The following COTL1 variants were observed in gnomAD, a reference collection of about 807,000 sequenced individuals.
COTL1 encodes the protein coactosin-like protein.
COTL1 carries 15 observed loss-of-function variants against 16.5 expected under a neutral mutation model. The observed-to-expected ratio is 0.91, with a 90% CI of 0.61 to 1.40. COTL1 has a LOEUF of 1.40. Among genes scored for constraint, COTL1 ranks in the 40% most tolerant of loss-of-function variants. The pLI is 0.00. For synonymous variants in COTL1, 112 were observed against 85.3 expected, an observed-to-expected ratio of 1.31 and a Z score of -1.73; for missense variants, 220 against 201.5, an observed-to-expected ratio of 1.09 and a Z score of -0.56.
chr16:84,617,740 G>A (rs907084035), intron 1 of COTL1, 98 bp downstream of exon 1: 6 of 1,394,380 alleles, frequency 4.3e-6, no homozygotes, highest in African/African-American at 4.3e-5. Context: ...AAGACAGCGC[G>A]GGAGGCCCGA....
chr16:84,570,496 C>T (rs1054291276), intron 3 of COTL1, among the ~76,000 whole-genome samples: 1 of 151,426 alleles, frequency 6.6e-6, no homozygotes, highest in Non-Finnish European at 1.5e-5. Context: ...AAAAAAAACC[C>T]TCAAACCTTG....
In COTL1 at chr16:84,617,489, G is replaced by C; in HGVS notation, c.160+12C>G. ...ACGACCGCGCATCCGCCCGGCAGGCGCGCCTCCCTACCTGTGCACTGCTGG... is the reference window on the plus strand; with the variant it reads ...ACGACCGCGCATCCGCCCGGCAGGCCCGCCTCCCTACCTGTGCACTGCTGG... On this transcript the variant is annotated intron_variant, in intron 2 of 3. Coordinates refer to ENST00000262428, the MANE Select transcript of COTL1 (RefSeq NM_021149.5). 6.5e-7 allele frequency: 1 copy of C among 1,547,942 alleles called. No homozygotes were observed. Among genetic ancestry groups the C allele is most frequent in the South Asian group, 1.2e-5 (1 of 83,948 alleles).
chr16:84,617,612 C>T, intron 1 of COTL1, 29 bp from the exon 2 acceptor site: 1 of 1,545,144 alleles, frequency 6.5e-7, no homozygotes, highest in Non-Finnish European at 8.8e-7. Flanking sequence ...AAAAAACACA[C>T]ACACACATCA....
chr16:84,610,602 C>G (rs1469820921), intron 2 of COTL1, among the ~76,000 whole-genome samples: 4 of 152,158 alleles, frequency 2.6e-5, no homozygotes, highest in Non-Finnish European at 5.9e-5. Context: ...AATCGGTTAG[C>G]AGAAGAGTGG....
chr16:84,582,233 G>A (rs377547710), intron 3 of COTL1, among the ~76,000 whole-genome samples: 48 of 151,922 alleles, frequency 3.2e-4, no homozygotes, highest in African/African-American at 1.1e-3. Flanking sequence ...GACCTCAAGT[G>A]ATCCACCCAC....
At chr16:84,585,775 G>A (rs985082394) in intron 3 of COTL1, among the ~76,000 whole-genome samples, 1 of 152,304 alleles carries the variant, frequency 6.6e-6, no homozygotes, top group African/African-American at 2.4e-5. Flanking sequence ...ATTTGCAACT[G>A]CAGTATAAAT....
chr16:84,566,947 A>T lies in COTL1; in HGVS notation c.327T>A (p.Ala109=). Reference sequence around the variant, plus strand: ...TCCGATCACTGATCACAAACTCCTTAGCGAAATTCTGCAAGAACAAAGGAA... The same window carrying T: ...TCCGATCACTGATCACAAACTCCTTTGCGAAATTCTGCAAGAACAAAGGAA... ...TLVKEVVQNF[A]KEFVISDRKE... The change falls in exon 4 of 4, where the codon GCT becomes GCA. Residue 109 remains alanine (A), a synonymous_variant. Transcript: ENST00000262428. 1 of 1,612,028 alleles carries T rather than the reference A, an allele frequency of 6.2e-7. No homozygotes were observed. The highest frequency in any genetic ancestry group is 8.5e-7 in the Non-Finnish European group (1 of 1,178,136).
intron 3 of COTL1, chr16:84,567,664 G>A: frequency 6.6e-6 from 1 of 152,290 alleles, no homozygotes; most frequent in South Asian, 2.1e-4. Flanking sequence ...GCCAGGCTGT[G>A]GGGCTACAGG....
rs1246515789 is a variant in COTL1 at position 84,565,713 on chromosome 16, A to T, written c.*1132T>A. On this transcript the variant is annotated 3_prime_UTR_variant, in exon 4 of 4. Coordinates refer to ENST00000262428, the MANE Select transcript of COTL1 (RefSeq NM_021149.5). ...CAAAACGAAATGAGCAAGGAAAAAC[A>T]GAAAAAGAGCTATATCAAATGTGCT... 1.3e-5 allele frequency: 2 copies of T among 152,712 alleles called. No individual in the cohort carries two copies. Among genetic ancestry groups the T allele is most frequent in the African/African-American group, 4.8e-5 (2 of 41,474 alleles). The allele number at this position is 152,712 out of a possible 1,614,324, so 9.5% of individuals were successfully genotyped here.
intron 3 of COTL1, among the ~76,000 whole-genome samples, chr16:84,575,000 G>C (rs912154368): frequency 6.6e-6 from 1 of 152,166 alleles, no homozygotes; most frequent in African/African-American, 2.4e-5. Context: ...TAAAGTGCAT[G>C]TTCTCCTGTC....
At chr16:84,603,160 G>T (rs1905135578) in intron 2 of COTL1, among the ~76,000 whole-genome samples, 1 of 152,116 alleles carries the variant, frequency 6.6e-6, no homozygotes, top group Non-Finnish European at 1.5e-5. Context: ...GGTTGGTGGG[G>T]GCAGACTCGC....
intron 2 of COTL1, among the ~76,000 whole-genome samples, chr16:84,612,984 CTCTTTCTT>C (rs1325064098): frequency 1.4e-5 from 2 of 147,268 alleles, no homozygotes; most frequent in Admixed American, 1.4e-4. Flanking sequence ...TCTAGAATGA[CTCTTTCTT>C]TCTTTCTTTC....
At chr16:84,613,716 G>C (rs907034230) in intron 2 of COTL1, among the ~76,000 whole-genome samples, 1 of 152,220 alleles carries the variant, frequency 6.6e-6, no homozygotes, top group African/African-American at 2.4e-5. Context: ...GCTATGAAGA[G>C]GAAAGCAGAG....
At position 84,590,819 on chromosome 16, in the gene COTL1, T is replaced by C. The variant is rs887018684; in HGVS notation, c.161-557A>G. On this transcript the variant is annotated intron_variant, in intron 2 of 3. Coordinates refer to ENST00000262428, the MANE Select transcript of COTL1 (RefSeq NM_021149.5). This position sits in a 1 kb window ranked among gnomAD's most constrained non-coding sequence, Gnocchi z 5.5. ...ATCTTTGCAGTTTGGAATGAGACTC[T>C]ACACTGTAGAGAGACAGGAGGGGCA... Among the ~76,000 whole-genome samples, 1 of 152,172 alleles carries C rather than the reference T, an allele frequency of 6.6e-6. No individual in the cohort carries two copies. Among genetic ancestry groups the C allele is most frequent in the Non-Finnish European group, 1.5e-5 (1 of 68,028 alleles).
chr16:84,584,067 G>T (rs1403132495), intron 3 of COTL1, among the ~76,000 whole-genome samples: 1 of 152,224 alleles, frequency 6.6e-6, no homozygotes, highest in Non-Finnish European at 1.5e-5. Flanking sequence ...ACTACCAGCG[G>T]TCACTGCATT....
chr16:84,590,030 C>G lies in COTL1; in HGVS notation c.318+75G>C. 1 of 1,501,092 alleles carries G rather than the reference C, an allele frequency of 6.7e-7. No homozygotes were observed. Among genetic ancestry groups the G allele is most frequent in the South Asian group, 1.3e-5 (1 of 79,856 alleles). The allele number at this position is 1,501,092 out of a possible 1,614,324, so 93.0% of individuals were successfully genotyped here. On this transcript the variant is annotated intron_variant, in intron 3 of 3. Coordinates refer to ENST00000262428, the MANE Select transcript of COTL1 (RefSeq NM_021149.5). The surrounding 1 kb of genome is among the most constrained non-coding windows in gnomAD (Gnocchi z 5.5). ...CTAAGCTACAGACCCAGGAGTCGAA[C>G]CCAGCCCTCTCCCTCCTTGCAGGAT...
chr16:84,593,146 A>T (rs1006087506), intron 2 of COTL1, among the ~76,000 whole-genome samples: 6 of 152,264 alleles, frequency 3.9e-5, no homozygotes, highest in African/African-American at 1.4e-4. Flanking sequence ...GACTCTCAAC[A>T]CGAGGCCAGA....
chr16:84,570,971 T>C (rs1904326566), intron 3 of COTL1, among the ~76,000 whole-genome samples: 1 of 152,064 alleles, frequency 6.6e-6, no homozygotes, highest in Admixed American at 6.6e-5. Flanking sequence ...TTTTTTTCCT[T>C]TTTTGCCTCT....
intron 2 of COTL1, among the ~76,000 whole-genome samples, chr16:84,608,573 A>C (rs1905258078): frequency 6.6e-6 from 1 of 152,358 alleles, no homozygotes; most frequent in Admixed American, 6.5e-5. Context: ...AGAAAATTAC[A>C]AAGGTAATGT....
Sources: gnomAD v4.1 joint callset for allele counts (sites outside exome capture counted in the v4.1 genomes callset) on GRCh38, gnomAD v4.1.1 for gene constraint, Gnocchi (gnomAD v3.1) non-coding constraint, MANE v1.5 for transcripts, NCBI Gene and HGNC (gene_info 2026-07-23, HGNC 2026-07-21) for gene names.